Variants in AAK1 observed in about 807,000 individuals in gnomAD.
AAK1 encodes AP2-associated protein kinase 1.
AAK1 carries 37 observed loss-of-function variants against 116.0 expected under a neutral mutation model. The ratio of observed to expected loss-of-function variants is 0.32; its 90% CI spans 0.25 to 0.42. AAK1 has a LOEUF of 0.42. Among genes scored for constraint, AAK1 ranks in the 10% least tolerant of loss-of-function variants. The pLI, the probability that AAK1 is intolerant of heterozygous loss-of-function variation, is 1.00. For missense variants in AAK1, 919 were observed against 1,170.6 expected (o/e 0.79, Z 3.14); for synonymous variants, 458 against 439.9 (o/e 1.04, Z -0.51).
intron 8 of AAK1, among the ~76,000 whole-genome samples, chr2:69,527,811 C>T (rs1321910183): frequency 2.0e-5 from 3 of 152,240 alleles, no homozygotes; most frequent in Non-Finnish European, 4.4e-5. Context: ...TGCATATCTA[C>T]TTTTCCTGTG....
At chr2:69,483,140 T>C (rs566819369) in intron 17 of AAK1, among the ~76,000 whole-genome samples, 1 of 152,308 alleles carries the variant, frequency 6.6e-6, no homozygotes, top group South Asian at 2.1e-4. Context: ...TCTGGACAAA[T>C]GTATACATTC....
chr2:69,562,714 AC>A (rs1262779737), intron 2 of AAK1, among the ~76,000 whole-genome samples: 2 of 151,820 alleles, frequency 1.3e-5, no homozygotes, highest in African/African-American at 4.8e-5. Flanking sequence ...ACACGATGAA[AC>A]CCCGTCTCTA....
In AAK1 at chr2:69,503,734, TG is replaced by T. The variant is rs200812304; in HGVS notation, c.2269+1834del. On this transcript the variant is annotated intron_variant, in intron 16 of 21. Coordinates refer to ENST00000409085, the MANE Select transcript of AAK1 (RefSeq NM_014911.5). The stretch of plus-strand genomic sequence containing the variant: ...TGAGGTTTCACCATGTTGGCCAGGC[TG>T]GTCTCAAACTCTTGACCTTAAGCGA... Among the ~76,000 whole-genome samples, 801 of 152,340 alleles carry T rather than the reference TG, an allele frequency of 5.3e-3. 3 individuals carry two copies. The highest frequency in any genetic ancestry group is 0.018 in the African/African-American group (766 of 41,576).
chr2:69,509,284 T>C lies in AAK1; in HGVS notation c.1953A>G (p.Lys651=), dbSNP rs1676301977. The C allele has an allele frequency of 6.2e-7, 1 of 1,613,922 alleles. No homozygotes were observed. The highest frequency in any genetic ancestry group is 8.5e-7 in the Non-Finnish European group (1 of 1,179,868). Reference sequence around the variant, plus strand: ...CAGCTGCCTGGAGCAGCTGGGTTGATTTGCTGGCAGGGACCCCAAAGACTG... The same window carrying C: ...CAGCTGCCTGGAGCAGCTGGGTTGACTTGCTGGCAGGGACCCCAAAGACTG... ...HSAVFGVPAS[K]STQLLQAAAA... Residue 651 remains lysine, a synonymous_variant, in exon 14 of 22, where the codon AAA becomes AAG. Transcript: ENST00000409085.
intron 2 of AAK1, chr2:69,595,145 C>A: frequency 2.2e-6 from 1 of 462,030 alleles, no homozygotes; most frequent in Non-Finnish European, 4.2e-6. Flanking sequence ...TGGAGTTTCA[C>A]TCTGTTGCCC....
At chr2:69,505,425 TAG>T (rs1362880253) in intron 16 of AAK1, 142 bp downstream of exon 16, 1 of 416,868 alleles carries the variant, frequency 2.4e-6, no homozygotes, top group Admixed American at 4.4e-5. Flanking sequence ...TTAAATTAAA[TAG>T]ACCATGAAAA....
intron 4 of AAK1, among the ~76,000 whole-genome samples, chr2:69,543,122 C>T (rs931677475): frequency 6.6e-6 from 1 of 152,140 alleles, no homozygotes; most frequent in Non-Finnish European, 1.5e-5. Context: ...GTCTCTCTGG[C>T]TTCACTGCTT....
chr2:69,528,792 T>C (rs2105019004), intron 8 of AAK1, among the ~76,000 whole-genome samples: 1 of 152,314 alleles, frequency 6.6e-6, no homozygotes, highest in Non-Finnish European at 1.5e-5. Context: ...AAGAGTTGTA[T>C]TTCCCAATAT....
rs1674541784 is a variant in AAK1, at chr2:69,467,890, A to G, written c.*7979T>C. 1 of 985,340 alleles carries G rather than the reference A, an allele frequency of 1.0e-6. No homozygotes were observed. Among genetic ancestry groups the G allele is most frequent in the Non-Finnish European group, 1.2e-6 (1 of 829,836 alleles). 61.0% of individuals were successfully genotyped at this position (985,340 alleles called of 1,614,324 possible). The stretch of plus-strand genomic sequence containing the variant: ...ACATTTTATAAGATACTGTACAAAA[A>G]TACTATGTTTCTCTGAATCCTATAA... On this transcript the variant is annotated 3_prime_UTR_variant, in exon 22 of 22. Transcript: ENST00000409085.
At chr2:69,585,363 G>A (rs1672720363) in intron 2 of AAK1, among the ~76,000 whole-genome samples, 1 of 152,132 alleles carries the variant, frequency 6.6e-6, no homozygotes, top group African/African-American at 2.4e-5. Context: ...CGCCCAGCCA[G>A]GAGATATTCT....
chr2:69,477,874 C>G (rs918510559), intron 20 of AAK1, among the ~76,000 whole-genome samples: 8 of 152,330 alleles, frequency 5.3e-5, no homozygotes, highest in East Asian at 1.9e-4. Context: ...GGGACTTAAG[C>G]TCTTTCTTTT....
At chr2:69,487,789 T>C (rs991001532) in intron 17 of AAK1, among the ~76,000 whole-genome samples, 3 of 130,658 alleles carry the variant, frequency 2.3e-5, no homozygotes, top group South Asian at 2.6e-4. Flanking sequence ...TTTGTTTGCT[T>C]TTTTTTTTTT....
chr2:69,582,378 TG>T (rs1672583493), intron 2 of AAK1, among the ~76,000 whole-genome samples: 1 of 145,934 alleles, frequency 6.9e-6, no homozygotes, highest in Non-Finnish European at 1.5e-5. Context: ...TGTGTGCGTG[TG>T]TGTGCACGTG....
In AAK1 at chr2:69,608,549, A is replaced by G. The variant is rs561090413; in HGVS notation, c.163+34329T>C. On this transcript the variant is annotated intron_variant, in intron 2 of 21. Coordinates refer to ENST00000409085, the MANE Select transcript of AAK1 (RefSeq NM_014911.5). Reference sequence around the variant, plus strand: ...TTTAAAAAGGGATTTCTGAAATAGGAAAGACTGAATGGAAATTAAAACTTT... The same window carrying G: ...TTTAAAAAGGGATTTCTGAAATAGGGAAGACTGAATGGAAATTAAAACTTT... Among the ~76,000 whole-genome samples the G allele has an allele frequency of 3.9e-5, 6 of 152,360 alleles. No homozygotes were observed. The East Asian group carries it at 1.2e-3, about 29-fold the overall frequency.
At chr2:69,547,364 T>C (rs1043137839) in intron 3 of AAK1, among the ~76,000 whole-genome samples, 3 of 152,162 alleles carry the variant, frequency 2.0e-5, no homozygotes, top group African/African-American at 7.2e-5. Flanking sequence ...ATCATACATC[T>C]GATAAGGATT....
chr2:69,508,400 A>G (rs1676268861), intron 14 of AAK1, among the ~76,000 whole-genome samples: 1 of 152,210 alleles, frequency 6.6e-6, no homozygotes, highest in Non-Finnish European at 1.5e-5. Flanking sequence ...TTTTCTTATA[A>G]AGTCTCTCTT....
At chr2:69,494,751 G>T (rs573716331) in intron 17 of AAK1, among the ~76,000 whole-genome samples, 75 of 152,284 alleles carry the variant, frequency 4.9e-4, no homozygotes, top group African/African-American at 1.6e-3. Flanking sequence ...TAACTACCCT[G>T]TATTGAATCA....
intron 2 of AAK1, among the ~76,000 whole-genome samples, chr2:69,614,577 C>T (rs1253071985): frequency 6.6e-6 from 1 of 152,156 alleles, no homozygotes; most frequent in African/African-American, 2.4e-5. Context: ...AAAACCTTTG[C>T]TCCCAACACC....
intron 2 of AAK1, among the ~76,000 whole-genome samples, chr2:69,579,722 T>C (rs1379708474): frequency 6.6e-6 from 1 of 152,246 alleles, no homozygotes; most frequent in East Asian, 1.9e-4. Flanking sequence ...TGTTCCTTAA[T>C]TGCCAGTGTT....
Sources: gnomAD v4.1 joint callset for allele counts (sites outside exome capture counted in the v4.1 genomes callset) on GRCh38, gnomAD v4.1.1 for gene constraint, MANE v1.5 for transcripts, NCBI Gene and HGNC (gene_info 2026-07-23, HGNC 2026-07-21) for gene names.